The following AGBL4 variants were observed in gnomAD, a reference collection of about 807,000 sequenced individuals.
The protein encoded by AGBL4 is cytosolic carboxypeptidase 6.
AGBL4 carries 58 observed loss-of-function variants against 66.4 expected under a neutral mutation model. The ratio of observed to expected loss-of-function variants is 0.87; its 90% confidence interval spans 0.71 to 1.09. The LOEUF (loss-of-function observed/expected upper bound fraction) is 1.09. Ranked by LOEUF, AGBL4 falls within the 50% of genes least tolerant of loss-of-function variation. AGBL4 has a pLI of 0.00. For missense variants in AGBL4, 579 were observed against 631.0 expected, an observed-to-expected ratio of 0.92 and a Z score of 0.88; for synonymous variants, 234 against 222.9, an observed-to-expected ratio of 1.05 and a Z score of -0.44.
chr1:48,642,924 C>A (rs79648899), intron 8 of AGBL4, among the ~76,000 whole-genome samples: 4 of 152,162 alleles, frequency 2.6e-5, no homozygotes, highest in African/African-American at 9.7e-5. Flanking sequence ...TGGAGCCACA[C>A]GGCCTGGATA....
rs77966276 is a variant in AGBL4 at position 49,208,855 on chromosome 1, G to A, written c.377+36915C>T. ...GATATGTCAGAATCCAGCTCTTACC[G>A]GAACCACACATGCATGTAGGCATGC... On this transcript the variant is annotated intron_variant, in intron 4 of 13. Coordinates refer to ENST00000371839, the MANE Select transcript of AGBL4 (RefSeq NM_032785.4). 1.5e-3 allele frequency among the ~76,000 whole-genome samples: 235 copies of A among 152,060 alleles called. 6 individuals are homozygous for A. In the East Asian group the frequency reaches 0.035, roughly 23 times the overall value.
chr1:49,624,620 C>G (rs931408111), intron 3 of AGBL4, among the ~76,000 whole-genome samples: 3 of 152,164 alleles, frequency 2.0e-5, no homozygotes, highest in African/African-American at 7.2e-5. Context: ...TCTTTCCTTT[C>G]TCCTTCCTGC....
chr1:49,141,121 T>G (rs1646109593), intron 4 of AGBL4, among the ~76,000 whole-genome samples: 1 of 152,184 alleles, frequency 6.6e-6, no homozygotes, highest in Non-Finnish European at 1.5e-5. Flanking sequence ...AATTTCACCC[T>G]ACTTTGAGTT....
chr1:49,216,430 C>T (rs961407113), intron 4 of AGBL4, among the ~76,000 whole-genome samples: 7 of 152,058 alleles, frequency 4.6e-5, no homozygotes, highest in Non-Finnish European at 8.8e-5. Context: ...TCTATTAGTC[C>T]CCAGTGTCTA....
intron 8 of AGBL4, among the ~76,000 whole-genome samples, chr1:48,644,993 G>T (rs185920024): frequency 6.6e-6 from 1 of 152,318 alleles, no homozygotes; most frequent in Non-Finnish European, 1.5e-5. Flanking sequence ...CAATTATTAA[G>T]ATCAACTTGC....
At chr1:48,791,873 C>T (rs560824307) in intron 6 of AGBL4, among the ~76,000 whole-genome samples, 255 of 152,266 alleles carry the variant, frequency 1.7e-3, no homozygotes, top group Non-Finnish European at 3.0e-3. Flanking sequence ...AAACATTTCC[C>T]GAGCCACCTT....
chr1:49,185,859 C>A (rs1342693346), intron 4 of AGBL4, among the ~76,000 whole-genome samples: 3 of 152,124 alleles, frequency 2.0e-5, no homozygotes, highest in African/African-American at 7.2e-5. Flanking sequence ...GGAAAATCAG[C>A]ATCAAAGCAA....
rs34504540 is a variant in AGBL4, at chr1:49,193,703, A to AT, written c.377+52066dup. Among the ~76,000 whole-genome samples the AT allele has an allele frequency of 6.2e-3, 892 of 144,940 alleles. 10 individuals are homozygous for AT. Among genetic ancestry groups the AT allele is most frequent in the African/African-American group, 0.021 (832 of 39,282 alleles). On this transcript the variant is annotated intron_variant, in intron 4 of 13. Transcript: ENST00000371839. Reference sequence around the variant, plus strand: ...CCACCGTGCCAGGCTAATTTTTTGTATTTTTTTTTTTAGTAGAGATGGGGT... The same window carrying AT: ...CCACCGTGCCAGGCTAATTTTTTGTATTTTTTTTTTTTAGTAGAGATGGGGT...
intron 6 of AGBL4, among the ~76,000 whole-genome samples, chr1:48,732,466 AAAATTAAC>A (rs1342241386): frequency 6.6e-6 from 1 of 151,870 alleles, no homozygotes; most frequent in Non-Finnish European, 1.5e-5. Flanking sequence ...GAGAAGAAAG[AAAATTAAC>A]AAGTAAAAAA....
At chr1:49,309,812 A>G (rs1182475692) in intron 3 of AGBL4, among the ~76,000 whole-genome samples, 1 of 152,152 alleles carries the variant, frequency 6.6e-6, no homozygotes, top group Non-Finnish European at 1.5e-5. Context: ...ATGCATTACC[A>G]AAGTCAATAT....
At chr1:49,774,971 C>A (rs1644160092) in intron 2 of AGBL4, among the ~76,000 whole-genome samples, 1 of 151,858 alleles carries the variant, frequency 6.6e-6, no homozygotes, top group Non-Finnish European at 1.5e-5. Flanking sequence ...TAGAAATAAC[C>A]TAAATGTCCT....
chr1:49,406,314 C>T (rs373622024), intron 3 of AGBL4, among the ~76,000 whole-genome samples: 1 of 152,168 alleles, frequency 6.6e-6, no homozygotes, highest in Non-Finnish European at 1.5e-5. Context: ...AAATCTGCTA[C>T]TCCAATTATC....
chr1:49,069,770 A>T (rs1644563273), intron 4 of AGBL4, among the ~76,000 whole-genome samples: 1 of 151,940 alleles, frequency 6.6e-6, no homozygotes, highest in Non-Finnish European at 1.5e-5. Flanking sequence ...TCTGTGAAGA[A>T]AGTCAGTGGT....
chr1:49,533,959 T>G (rs1480323582), intron 3 of AGBL4, among the ~76,000 whole-genome samples: 1 of 152,100 alleles, frequency 6.6e-6, no homozygotes, highest in African/African-American at 2.4e-5. Context: ...GCACAGAATC[T>G]GCAGATTTGG....
At chr1:48,884,691 T>A (rs1650136686) in intron 5 of AGBL4, among the ~76,000 whole-genome samples, 1 of 152,168 alleles carries the variant, frequency 6.6e-6, no homozygotes, top group African/African-American at 2.4e-5. Flanking sequence ...GCATATTATA[T>A]CCCTAAATAT....
chr1:48,677,855 A>G (rs1646391481), intron 6 of AGBL4, among the ~76,000 whole-genome samples: 1 of 152,220 alleles, frequency 6.6e-6, no homozygotes, highest in African/African-American at 2.4e-5. Flanking sequence ...TTTTGGGGAC[A>G]CTAGGGTGAT....
chr1:49,363,474 GA>G (rs1253556485), intron 3 of AGBL4, among the ~76,000 whole-genome samples: 1 of 152,182 alleles, frequency 6.6e-6, no homozygotes, highest in East Asian at 1.9e-4. Context: ...CTTCTCTGGT[GA>G]AAAATTAATG....
At chr1:49,783,325 A>G (rs917812973) in intron 2 of AGBL4, among the ~76,000 whole-genome samples, 1 of 152,230 alleles carries the variant, frequency 6.6e-6, no homozygotes, top group African/African-American at 2.4e-5. Flanking sequence ...AAAAGGATTG[A>G]TATCATTACC....
At position 48,883,244 on chromosome 1, in the gene AGBL4, G is replaced by A. The variant is rs370172971; in HGVS notation, c.595-16014C>T. Among the ~76,000 whole-genome samples, 12 of 152,230 alleles carry A rather than the reference G, an allele frequency of 7.9e-5. No individual in the cohort carries two copies. In the East Asian group the frequency reaches 1.4e-3, roughly 17 times the overall value. ...TTGCATTCCTACCAACAGTGTACAA[G>A]GGTTTCCTTTCCTCCACATCCTCAC... On this transcript the variant is annotated intron_variant, in intron 5 of 13. Coordinates refer to ENST00000371839, the MANE Select transcript of AGBL4 (RefSeq NM_032785.4).
Sources: gnomAD v4.1 joint callset for allele counts (sites outside exome capture counted in the v4.1 genomes callset) on GRCh38, gnomAD v4.1.1 for gene constraint, MANE v1.5 for transcripts, NCBI Gene and HGNC (gene_info 2026-07-23, HGNC 2026-07-21) for gene names.